The following AGAP1 variants were observed in gnomAD, a reference collection of about 807,000 sequenced individuals.
AGAP1 encodes ArfGAP with GTPase domain, ankyrin repeat and PH domain 1.
A neutral mutation model predicts 105.3 loss-of-function variants in AGAP1; 29 were observed. The observed-to-expected ratio is 0.28, with a 90% CI of 0.21 to 0.38. The LOEUF (loss-of-function observed/expected upper bound fraction) is 0.38, where lower values mean the gene tolerates loss of function less well. Among genes scored for constraint, AGAP1 ranks in the 10% least tolerant of loss-of-function variants. The pLI is 1.00. For synonymous variants in AGAP1, 509 were observed against 485.9 expected (o/e 1.05, Z -0.63); for missense variants, 998 against 1,165.1 (o/e 0.86, Z 2.09).
At chr2:235,707,047 C>T (rs1272251449) in intron 1 of AGAP1, among the ~76,000 whole-genome samples, 1 of 152,236 alleles carries the variant, frequency 6.6e-6, no homozygotes, top group Non-Finnish European at 1.5e-5. Context: ...TGTTTGTCTG[C>T]AGCATGTTGG....
In AGAP1 at chr2:235,648,959, C is replaced by T. The variant is rs187075061; in HGVS notation, c.164-60220C>T. ...GAAGCAGGGACCCCTCCCCTGTACC[C>T]CCGCCAAAGCCACCATGGTAGCTCC... On this transcript the variant is annotated intron_variant, in intron 1 of 17. Transcript: ENST00000304032. Among the ~76,000 whole-genome samples, 221 of 152,196 alleles carry T rather than the reference C, an allele frequency of 1.5e-3. 1 individual carries two copies. Among genetic ancestry groups the T allele is most frequent in the Non-Finnish European group, 2.4e-3 (160 of 68,022 alleles).
rs1953319624 is a variant in AGAP1 at position 235,750,257 on chromosome 2, C to T, written c.539-97C>T. 1 of 1,520,462 alleles carries T rather than the reference C, an allele frequency of 6.6e-7. No homozygotes were observed. The highest frequency in any genetic ancestry group is 1.2e-5 in the South Asian group (1 of 84,410). The allele number at this position is 1,520,462 out of a possible 1,614,324, so 94.2% of individuals were successfully genotyped here. On this transcript the variant is annotated intron_variant, in intron 5 of 17. Coordinates refer to ENST00000304032, the MANE Select transcript of AGAP1 (RefSeq NM_001037131.3). This position sits in a 1 kb window ranked among gnomAD's most constrained non-coding sequence, Gnocchi z 5.3. The stretch of plus-strand genomic sequence containing the variant: ...GATTCATAAACTAATTACATTTCTG[C>T]TGAGTAAGGTACTGGTTTTCCGTGT...
At chr2:235,654,180 A>G (rs908979520) in intron 1 of AGAP1, among the ~76,000 whole-genome samples, 5 of 152,212 alleles carry the variant, frequency 3.3e-5, no homozygotes, top group East Asian at 1.9e-4. Flanking sequence ...GCTTATTTCA[A>G]TCTGGATTGG....
chr2:236,064,985 A>T (rs1207646574), intron 16 of AGAP1, among the ~76,000 whole-genome samples: 7 of 152,214 alleles, frequency 4.6e-5, no homozygotes, highest in Admixed American at 1.3e-4. Context: ...AACTAAAGTT[A>T]GGGTCATGAT....
At chr2:236,117,439 G>C (rs377265361) in intron 16 of AGAP1, among the ~76,000 whole-genome samples, 8 of 152,204 alleles carry the variant, frequency 5.3e-5, no homozygotes, top group East Asian at 1.9e-4. Flanking sequence ...TTCCCGGGGA[G>C]AACATACTGA....
At chr2:236,108,152 A>G (rs1238609684) in intron 16 of AGAP1, among the ~76,000 whole-genome samples, 1 of 152,126 alleles carries the variant, frequency 6.6e-6, no homozygotes. Flanking sequence ...CCCCCTAGCA[A>G]CGCAGCTCAG....
At chr2:235,697,030 G>C (rs759270620) in intron 1 of AGAP1, among the ~76,000 whole-genome samples, 7 of 152,018 alleles carry the variant, frequency 4.6e-5, no homozygotes, top group African/African-American at 1.7e-4. Context: ...CATTCGATTT[G>C]CCATTAAGTC....
intron 1 of AGAP1, among the ~76,000 whole-genome samples, chr2:235,686,846 T>G: frequency 6.8e-6 from 1 of 147,732 alleles, no homozygotes; most frequent in Non-Finnish European, 1.5e-5. Flanking sequence ...TTTTTTTTTG[T>G]AGAGATGAGG....
At chr2:235,581,134 CAAAAAAAAAAA>C (rs60330965) in intron 1 of AGAP1, among the ~76,000 whole-genome samples, 2 of 88,242 alleles carry the variant, frequency 2.3e-5, no homozygotes, top group African/African-American at 4.1e-5. Flanking sequence ...CCATCTCAAG[CAAAAAAAAAAA>C]AAAAAAAAAA....
rs2050311948 is a variant in AGAP1, at chr2:235,887,195, T to C, written c.1155+3746T>C. ...CATCCTTGGCTATCTCCAGGATGTA[T>C]TACGGCAGAAGGACCACTGAGAGTC... On this transcript the variant is annotated intron_variant, in intron 10 of 17. Transcript: ENST00000304032. This position sits in a 1 kb window ranked among gnomAD's most constrained non-coding sequence, Gnocchi z 4.1. Among the ~76,000 whole-genome samples the C allele has an allele frequency of 6.6e-6, 1 of 152,192 alleles. No homozygotes were observed. The highest frequency in any genetic ancestry group is 2.4e-5 in the African/African-American group (1 of 41,454).
intron 1 of AGAP1, among the ~76,000 whole-genome samples, chr2:235,568,531 G>A (rs2149156551): frequency 6.6e-6 from 1 of 152,316 alleles, no homozygotes; most frequent in South Asian, 2.1e-4. Flanking sequence ...ACTCGTGGCA[G>A]AACCGAGACC....
chr2:236,097,380 C>CTTTTTTTTTTTTTTTTTT (rs58882083), intron 16 of AGAP1, among the ~76,000 whole-genome samples: 2 of 48,648 alleles, frequency 4.1e-5, no homozygotes, highest in African/African-American at 7.7e-5. Flanking sequence ...TCATCCTAAT[C>CTTTTTTTTTTTTTTTTTT]TTTTTTTTTT....
rs990983935 is a variant in AGAP1, at chr2:235,901,376, GA to G, written c.1156-7358del. On this transcript the variant is annotated intron_variant, in intron 10 of 17. Transcript: ENST00000304032. This position sits in a 1 kb window ranked among gnomAD's most constrained non-coding sequence, Gnocchi z 4.3. The stretch of plus-strand genomic sequence containing the variant: ...ATACTGGATATTCATGAAGTGCAGT[GA>G]AAATAGGGAATAATGAGTCATTCTT... 6.6e-6 allele frequency among the ~76,000 whole-genome samples: 1 copy of G among 152,076 alleles called. No individual in the cohort carries two copies. The highest frequency in any genetic ancestry group is 1.5e-5 in the Non-Finnish European group (1 of 68,030).
chr2:235,735,938 C>T (rs764859234), intron 3 of AGAP1, among the ~76,000 whole-genome samples: 5 of 152,032 alleles, frequency 3.3e-5, no homozygotes, highest in Non-Finnish European at 7.4e-5. Context: ...CTCCATTCTG[C>T]TTCAAACTCA....
At chr2:235,808,305 C>T (rs1460517802) in intron 9 of AGAP1, among the ~76,000 whole-genome samples, 2 of 152,226 alleles carry the variant, frequency 1.3e-5, no homozygotes, top group Admixed American at 6.5e-5. Flanking sequence ...CTCTCTCCTG[C>T]GGGCACCTAC....
rs186914801 is a variant in AGAP1 at position 235,538,712 on chromosome 2, A to G, written c.163+43863A>G. On this transcript the variant is annotated intron_variant, in intron 1 of 17. Transcript: ENST00000304032. ...TAGAGCCTCCCGTTCCCATCTCCGC[A>G]TCAGAGTTTCCTACTTTCCTTGAAC... is the stretch of plus-strand genomic sequence containing the variant. Among the ~76,000 whole-genome samples the G allele has an allele frequency of 2.6e-5, 4 of 152,100 alleles. 1 individual carries two copies. The highest frequency in any genetic ancestry group is 2.0e-4 in the Admixed American group (3 of 15,270).
chr2:235,731,406 T>C (rs1284048595), intron 3 of AGAP1, among the ~76,000 whole-genome samples: 1 of 152,204 alleles, frequency 6.6e-6, no homozygotes, highest in Non-Finnish European at 1.5e-5. Flanking sequence ...CTAGAGCCAT[T>C]TGAGAAGCAC....
At chr2:235,798,001 G>C in intron 7 of AGAP1, 115 bp downstream of exon 7, 1 of 1,310,882 alleles carries the variant, frequency 7.6e-7, no homozygotes. Context: ...ATAAGTAACA[G>C]CATGTTGTAA....
intron 1 of AGAP1, among the ~76,000 whole-genome samples, chr2:235,538,427 A>ATGTATGTGTGTGTGTG (rs1943313027): frequency 2.2e-5 from 3 of 135,334 alleles, no homozygotes; most frequent in African/African-American, 8.4e-5. Flanking sequence ...CTCAGCCACT[A>ATGTATGTGTGTGTGTG]TGTGTGTGTG....
Sources: gnomAD v4.1 joint callset for allele counts (sites outside exome capture counted in the v4.1 genomes callset) on GRCh38, gnomAD v4.1.1 for gene constraint, Gnocchi (gnomAD v3.1) non-coding constraint, MANE v1.5 for transcripts, NCBI Gene and HGNC (gene_info 2026-07-23, HGNC 2026-07-21) for gene names.